The following USP40 variants were observed in gnomAD, a reference collection of about 807,000 sequenced individuals.
The protein encoded by USP40 is ubiquitin specific peptidase 40.
A neutral mutation model predicts 166.2 loss-of-function variants in USP40; 143 were observed. The observed-to-expected ratio is 0.86, with a 90% CI of 0.75 to 0.99. The LOEUF (loss-of-function observed/expected upper bound fraction) is 0.99, where lower values mean the gene tolerates loss of function less well. Among genes scored for constraint, USP40 ranks in the 50% least tolerant of loss-of-function variants. The pLI is 0.00. For missense variants in USP40, 1,444 were observed against 1,479.7 expected (o/e 0.98, Z 0.40); for synonymous variants, 498 against 524.0 (o/e 0.95, Z 0.68).
intron 21 of USP40, among the ~76,000 whole-genome samples, chr2:233,509,666 C>A (rs1359395823): frequency 6.6e-6 from 1 of 151,674 alleles, no homozygotes; most frequent in East Asian, 1.9e-4. Context: ...CATGGAGAAA[C>A]CCCATCTCTA....
intron 18 of USP40, among the ~76,000 whole-genome samples, chr2:233,517,199 T>C (rs906097423): frequency 3.3e-5 from 5 of 152,118 alleles, no homozygotes; most frequent in African/African-American, 1.2e-4. Flanking sequence ...ATATGGTGAT[T>C]AGGGAACACT....
intron 8 of USP40, among the ~76,000 whole-genome samples, chr2:233,542,824 T>C (rs973750805): frequency 2.0e-5 from 3 of 152,214 alleles, no homozygotes; most frequent in Non-Finnish European, 4.4e-5. Flanking sequence ...CTGGCTTTAG[T>C]TGTAAATTGG....
At chr2:233,563,477 C>G (rs1467778509) in intron 2 of USP40, among the ~76,000 whole-genome samples, 1 of 152,094 alleles carries the variant, frequency 6.6e-6, no homozygotes, top group African/African-American at 2.4e-5. Flanking sequence ...ATGTGTCTCC[C>G]TATTGAAAAA....
intron 15 of USP40, among the ~76,000 whole-genome samples, chr2:233,524,180 A>G (rs1293336221): frequency 2.6e-5 from 4 of 152,122 alleles, no homozygotes; most frequent in African/African-American, 4.8e-5. Context: ...CCCAGGCTGG[A>G]GTGCAGTGGT....
chr2:233,477,732 T>G (rs538292604), intron 31 of USP40, among the ~76,000 whole-genome samples: 1 of 152,386 alleles, frequency 6.6e-6, no homozygotes, highest in Admixed American at 6.5e-5. Context: ...ACGGCATGGT[T>G]CAGGCTCTGG....
chr2:233,506,621 G>A (rs2066432102), intron 21 of USP40, among the ~76,000 whole-genome samples: 3 of 151,864 alleles, frequency 2.0e-5, no homozygotes, highest in South Asian at 2.1e-4. Flanking sequence ...GGAGCTGGGC[G>A]GGGTTGCTCA....
intron 8 of USP40, among the ~76,000 whole-genome samples, chr2:233,544,549 G>C (rs932931243): frequency 6.6e-6 from 1 of 152,110 alleles, no homozygotes; most frequent in South Asian, 2.1e-4. Flanking sequence ...CCATCCTGAG[G>C]CATCTAAGAG....
At chr2:233,483,318 C>T (rs1025477553) in intron 30 of USP40, among the ~76,000 whole-genome samples, 26 of 151,940 alleles carry the variant, frequency 1.7e-4, no homozygotes, top group Admixed American at 1.2e-3. Context: ...GGCATAACCC[C>T]GTCTCTACCA....
rs762156868 is a variant in USP40, at chr2:233,510,105, C to A, written c.2557G>T (p.Val853Phe). ...ATTTCCATTTCTGTCCCAGGTTGAA[C>A]GTCACTCCCCATTGCAAAAAACAGG... Reference protein sequence around the residue: ...LFLFFAMGSDVQPGTEMEIVV... With the variant: ...LFLFFAMGSDFQPGTEMEIVV... Residue 853 changes from valine (V) to phenylalanine (F), a missense_variant, in exon 21 of 32, where the codon GTT (valine) becomes TTT (phenylalanine). Coordinates refer to ENST00000678225, the MANE Select transcript of USP40 (RefSeq NM_001365479.2). 5 of 1,604,486 alleles carry A rather than the reference C, an allele frequency of 3.1e-6. No homozygotes were observed. Among genetic ancestry groups the A allele is most frequent in the Non-Finnish European group, 3.4e-6 (4 of 1,175,070 alleles).
chr2:233,549,074 T>C (rs1295787629), intron 8 of USP40, 27 bp downstream of exon 8: 1 of 1,571,592 alleles, frequency 6.4e-7, no homozygotes, highest in African/African-American at 1.4e-5. Flanking sequence ...ATTGCAAAGA[T>C]ATTTCTAAAC....
chr2:233,546,278 C>T (rs931964747), intron 8 of USP40: 1 of 152,244 alleles, frequency 6.6e-6, no homozygotes, highest in Non-Finnish European at 1.5e-5. Flanking sequence ...CAGGAAACCA[C>T]AACCCAAAAG....
At chr2:233,497,503 A>G (rs2065818307) in intron 23 of USP40, among the ~76,000 whole-genome samples, 1 of 152,190 alleles carries the variant, frequency 6.6e-6, no homozygotes, top group Non-Finnish European at 1.5e-5. Context: ...AAAAGCTGAC[A>G]GTTTGGAGGC....
At chr2:233,534,548 T>A (rs7578898) in intron 10 of USP40, among the ~76,000 whole-genome samples, 1 of 151,986 alleles carries the variant, frequency 6.6e-6, no homozygotes, top group Non-Finnish European at 1.5e-5. Context: ...CTAATTTTTC[T>A]CTTGGAAAGA....
chr2:233,537,465 C>A (rs2069019432), intron 10 of USP40, among the ~76,000 whole-genome samples: 1 of 152,088 alleles, frequency 6.6e-6, no homozygotes. Context: ...ATTAAAAATA[C>A]TTAGCAATAG....
chr2:233,548,731 A>G (rs939118167), intron 8 of USP40, among the ~76,000 whole-genome samples: 128 of 152,240 alleles, frequency 8.4e-4, no homozygotes, highest in African/African-American at 2.9e-3. Flanking sequence ...TAGAAGATAA[A>G]CACTCAAGTA....
At chr2:233,491,055 T>C (rs1467717080) in intron 26 of USP40, 112 bp downstream of exon 26, 5 of 870,252 alleles carry the variant, frequency 5.7e-6, no homozygotes, top group Admixed American at 2.0e-5. Flanking sequence ...ATATGACAAA[T>C]GCCATATCAG....
chr2:233,537,021 T>G (rs10929200), intron 10 of USP40, among the ~76,000 whole-genome samples: 1 of 151,954 alleles, frequency 6.6e-6, no homozygotes, highest in East Asian at 1.9e-4. Flanking sequence ...ATAGCTGGGA[T>G]TACATGTGCG....
intron 24 of USP40, among the ~76,000 whole-genome samples, chr2:233,494,269 T>G (rs1055346657): frequency 6.9e-6 from 1 of 144,998 alleles, no homozygotes; most frequent in Non-Finnish European, 1.5e-5. Context: ...ACAACAAAAT[T>G]CCATTTTTTT....
intron 4 of USP40, among the ~76,000 whole-genome samples, chr2:233,558,616 G>A (rs1225629443): frequency 1.3e-5 from 2 of 152,178 alleles, no homozygotes; most frequent in African/African-American, 2.4e-5. Flanking sequence ...TGAGGGGGAT[G>A]GAAAGTTACT....
Sources: allele counts gnomAD v4.1 joint callset (sites outside exome capture counted in the v4.1 genomes callset), GRCh38; gene constraint gnomAD v4.1.1; transcripts MANE v1.5; gene names NCBI Gene and HGNC (gene_info 2026-07-23, HGNC 2026-07-21).